The following PIWIL2 variants were observed in gnomAD, a reference collection of about 807,000 sequenced individuals.
PIWIL2 encodes piwi like RNA-mediated gene silencing 2, also known as piwi-like protein 2.
PIWIL2 carries 81 observed loss-of-function variants against 116.5 expected under a neutral mutation model. The ratio of observed to expected loss-of-function variants is 0.70; its 90% CI spans 0.58 to 0.84. The LOEUF (loss-of-function observed/expected upper bound fraction) is 0.84. Among genes scored for constraint, PIWIL2 ranks in the 40% least tolerant of loss-of-function variants. The pLI, the probability that PIWIL2 is intolerant of heterozygous loss-of-function variation, is 0.00. For synonymous variants in PIWIL2, 489 were observed against 429.5 expected (o/e 1.14, Z -1.71); for missense variants, 1,272 against 1,212.3 (o/e 1.05, Z -0.73).
chr8:22,305,478 C>A (rs990485088), intron 12 of PIWIL2, among the ~76,000 whole-genome samples: 7 of 152,128 alleles, frequency 4.6e-5, no homozygotes, highest in African/African-American at 1.7e-4. Flanking sequence ...AGGCGTGAGC[C>A]ACTGCGCCTG....
At chr8:22,329,629 C>A (rs1831811790) in intron 20 of PIWIL2, among the ~76,000 whole-genome samples, 1 of 152,222 alleles carries the variant, frequency 6.6e-6, no homozygotes, top group Non-Finnish European at 1.5e-5. Flanking sequence ...CACCATGCCC[C>A]ACCTCCAGTA....
chr8:22,290,233 A>G lies in PIWIL2; in HGVS notation c.1068A>G (p.Arg356=), dbSNP rs987759982. 3 of 1,587,286 alleles carry G rather than the reference A, an allele frequency of 1.9e-6. No individual in the cohort carries two copies. Among genetic ancestry groups the G allele is most frequent in the Non-Finnish European group, 2.6e-6 (3 of 1,156,720 alleles). ...CAGTTGAGACCACCTCTCTCTCCAG[A>G]TTGCAGATCTGGCCAGGCTATGCAG... ...PTSAMVLQQH[R]LQIWPGYAAS... is the part of the protein sequence containing the mutation. The change falls in exon 10 of 23, where the codon AGA becomes AGG. Residue 356 remains arginine, a splice_region_variant and synonymous_variant. Coordinates refer to ENST00000356766, the MANE Select transcript of PIWIL2 (RefSeq NM_018068.5).
intron 20 of PIWIL2, among the ~76,000 whole-genome samples, chr8:22,328,235 T>G (rs1382545456): frequency 6.6e-6 from 1 of 152,196 alleles, no homozygotes; most frequent in East Asian, 1.9e-4. Flanking sequence ...GAAAATCAAT[T>G]GTCATGGATG....
intron 20 of PIWIL2, among the ~76,000 whole-genome samples, chr8:22,339,403 G>A (rs1026325530): frequency 1.1e-4 from 16 of 152,080 alleles, no homozygotes; most frequent in Non-Finnish European, 2.1e-4. Flanking sequence ...AGCTACTCAG[G>A]AGGCTGAGGC....
chr8:22,344,189 A>T (rs945871441), intron 20 of PIWIL2, among the ~76,000 whole-genome samples: 5 of 152,354 alleles, frequency 3.3e-5, no homozygotes, highest in African/African-American at 1.2e-4. Flanking sequence ...AAATGTGGTG[A>T]CAGTAAAAAG....
Position 22,310,028 on chromosome 8 carries a change from A to C in PIWIL2, c.1754A>C (p.Glu585Ala), listed in dbSNP as rs1211132582. The stretch of plus-strand genomic sequence containing the variant: ...AATACTTCGTTTATCACATCTCAGG[A>C]ACTAAACTGGGTTAAGGAAGTAACC... ...LKNTSFITSQ[E>A]LNWVKEVTRD... is the part of the protein sequence containing the mutation. Residue 585 changes from glutamate (E) to alanine (A), a missense_variant, in exon 15 of 23, where the codon GAA (glutamate) becomes GCA (alanine). Transcript: ENST00000356766. The C allele has an allele frequency of 1.2e-6, 2 of 1,611,676 alleles. No homozygotes were observed. The highest frequency in any genetic ancestry group is 1.7e-5 in the Admixed American group (1 of 60,008).
intron 20 of PIWIL2, among the ~76,000 whole-genome samples, chr8:22,327,091 G>C (rs373942411): frequency 1.5e-5 from 2 of 133,340 alleles, no homozygotes; most frequent in Non-Finnish European, 3.0e-5. Flanking sequence ...GCAGTGACAC[G>C]ATCTTGGCTT....
chr8:22,289,916 A>G lies in PIWIL2; in HGVS notation c.1056A>G (p.Leu352=). Residue 352 remains leucine, a synonymous_variant, in exon 9 of 23, where the codon CTA becomes CTG. Coordinates refer to ENST00000356766, the MANE Select transcript of PIWIL2 (RefSeq NM_018068.5). Reference sequence around the variant, plus strand: ...ATGACCCTACAAGTGCTATGGTACTACAGCAACACAGGTTGGTACTTTTTT... The same window carrying G: ...ATGACCCTACAAGTGCTATGGTACTGCAGCAACACAGGTTGGTACTTTTTT... The part of the protein sequence containing the change: ...NFYDPTSAMV[L]QQHRLQIWPG... 6.2e-7 allele frequency: 1 copy of G among 1,605,654 alleles called. No individual in the cohort carries two copies. Among genetic ancestry groups the G allele is most frequent in the East Asian group, 2.2e-5 (1 of 44,822 alleles).
chr8:22,297,555 T>C (rs1000197570), intron 10 of PIWIL2, among the ~76,000 whole-genome samples: 3 of 152,102 alleles, frequency 2.0e-5, no homozygotes, highest in South Asian at 4.2e-4. Context: ...TAAAAAAAAA[T>C]TCATGGCACT....
chr8:22,352,569 C>A (rs1341374183), intron 20 of PIWIL2, among the ~76,000 whole-genome samples: 1 of 152,162 alleles, frequency 6.6e-6, no homozygotes, highest in African/African-American at 2.4e-5. Flanking sequence ...TAGAATTTCT[C>A]TAACACTTTA....
At position 22,304,116 on chromosome 8, in the gene PIWIL2, C is replaced by T; in HGVS notation, c.1277C>T (p.Thr426Ile). ...GTTATCACCCGATATAACAATCGTA[C>T]CTATCGTATTGATGATGTGGATTGG... ...NIVITRYNNR[T>I]YRIDDVDWNK... The change falls in exon 11 of 23, where the codon ACC becomes ATC. Residue 426 changes from threonine (T) to isoleucine (I), a missense_variant. Transcript: ENST00000356766. 1 of 1,610,998 alleles carries T rather than the reference C, an allele frequency of 6.2e-7. No homozygotes were observed. Among genetic ancestry groups the T allele is most frequent in the East Asian group, 2.2e-5 (1 of 44,880 alleles).
chr8:22,338,771 A>G (rs1292226930), intron 20 of PIWIL2, among the ~76,000 whole-genome samples: 1 of 152,210 alleles, frequency 6.6e-6, no homozygotes, highest in East Asian at 1.9e-4. Flanking sequence ...TTTGGGTTTA[A>G]CTCTCCAAAT....
intron 14 of PIWIL2, among the ~76,000 whole-genome samples, chr8:22,308,376 G>A (rs796711558): frequency 3.3e-5 from 5 of 152,232 alleles, no homozygotes; most frequent in African/African-American, 1.2e-4. Flanking sequence ...ATGCAGGGCA[G>A]GCGTGGTGGC....
At chr8:22,345,844 TA>T (rs755819970) in intron 20 of PIWIL2, among the ~76,000 whole-genome samples, 1 of 152,122 alleles carries the variant, frequency 6.6e-6, no homozygotes, top group African/African-American at 2.4e-5. Context: ...TATTTAAACA[TA>T]AAAAAGTTTA....
rs567142391 is a variant in PIWIL2 at position 22,343,481 on chromosome 8, C to T, written c.2404-9478C>T. Among the ~76,000 whole-genome samples the T allele has an allele frequency of 2.0e-5, 3 of 152,136 alleles. No homozygotes were observed. In the East Asian group the frequency reaches 5.8e-4, roughly 29 times the overall value. ...GGCATGGTGGCGCATGCCTGTAATC[C>T]TAGCTACTCAGGAGGCTGAGGCAGG... On this transcript the variant is annotated intron_variant, in intron 20 of 22. Coordinates refer to ENST00000356766, the MANE Select transcript of PIWIL2 (RefSeq NM_018068.5).
chr8:22,316,756 A>G (rs1488243993), intron 19 of PIWIL2, among the ~76,000 whole-genome samples: 1 of 151,868 alleles, frequency 6.6e-6, no homozygotes, highest in Non-Finnish European at 1.5e-5. Flanking sequence ...TGCTTGGATT[A>G]CAGGCGTGAG....
chr8:22,341,840 A>C (rs1044567860), intron 20 of PIWIL2, among the ~76,000 whole-genome samples: 9 of 152,170 alleles, frequency 5.9e-5, no homozygotes, highest in Non-Finnish European at 1.2e-4. Context: ...GGAGAAAACA[A>C]AACTATCTTT....
chr8:22,283,427 G>C (rs1830558409), intron 5 of PIWIL2, among the ~76,000 whole-genome samples, 187 bp downstream of exon 5: 2 of 152,110 alleles, frequency 1.3e-5, no homozygotes, highest in Admixed American at 1.3e-4. Flanking sequence ...TCTTCTTTTT[G>C]AGACGGAGTC....
intron 20 of PIWIL2, among the ~76,000 whole-genome samples, chr8:22,342,149 A>G (rs941636126): frequency 8.5e-6 from 1 of 117,820 alleles, no homozygotes; most frequent in African/African-American, 2.6e-5. Context: ...AAAACTGATG[A>G]AAAAAATCAA....
Sources: gnomAD v4.1 joint callset for allele counts (sites outside exome capture counted in the v4.1 genomes callset) on GRCh38, gnomAD v4.1.1 for gene constraint, MANE v1.5 for transcripts, NCBI Gene and HGNC (gene_info 2026-07-23, HGNC 2026-07-21) for gene names.